Variants in ZNF804A observed in about 807,000 individuals in gnomAD.
ZNF804A encodes the protein zinc finger protein 804A.
ZNF804A carries 2 observed loss-of-function variants against 16.5 expected under a neutral mutation model. The observed-to-expected ratio is 0.12, with a 90% CI of 0.05 to 0.38. The LOEUF is 0.38. Ranked by LOEUF, ZNF804A falls within the 10% of genes least tolerant of loss-of-function variation. ZNF804A has a pLI of 0.99. For synonymous variants in ZNF804A, 534 were observed against 489.6 expected (o/e 1.09, Z -1.20); for missense variants, 1,473 against 1,390.7 (o/e 1.06, Z -0.94).
chr2:184,785,637 A>G, intron 1 of ZNF804A, among the ~76,000 whole-genome samples: 1 of 152,082 alleles, frequency 6.6e-6, no homozygotes, highest in Non-Finnish European at 1.5e-5. Flanking sequence ...AAGATTAGTA[A>G]GAACAAGAAG....
At chr2:184,836,943 A>G (rs1316446177) in intron 1 of ZNF804A, among the ~76,000 whole-genome samples, 1 of 151,382 alleles carries the variant, frequency 6.6e-6, no homozygotes, top group Non-Finnish European at 1.5e-5. Flanking sequence ...CCCTGACTGC[A>G]TCAAGTTTTT....
At position 184,936,814 on chromosome 2, in the gene ZNF804A, T is replaced by C; in HGVS notation, c.1418T>C (p.Leu473Pro). The change falls in exon 4 of 4, where the codon CTA (leucine) becomes CCA (proline). Residue 473 changes from leucine (L) to proline (P), a missense_variant. Coordinates refer to ENST00000302277, the MANE Select transcript of ZNF804A (RefSeq NM_194250.2). ...DFKSTKVNNN[L>P]DKNKPDLKDL... ...AAGTCTACTAAAGTAAATAATAATCTAGATAAAAATAAGCCAGACTTAAAA... is the reference window on the plus strand; with the variant it reads ...AAGTCTACTAAAGTAAATAATAATCCAGATAAAAATAAGCCAGACTTAAAA... 1 of 1,613,020 alleles carries C rather than the reference T, an allele frequency of 6.2e-7. No individual in the cohort carries two copies. The highest frequency in any genetic ancestry group is 8.5e-7 in the Non-Finnish European group (1 of 1,179,616).
rs1177727163 is a variant in ZNF804A, at chr2:184,938,516, C to T, written c.3120C>T (p.Asn1040=). 10 of 1,613,928 alleles carry T rather than the reference C, an allele frequency of 6.2e-6. No homozygotes were observed. Among genetic ancestry groups the T allele is most frequent in the Non-Finnish European group, 8.5e-6 (10 of 1,180,016 alleles). The part of the protein sequence containing the change: ...PEQALLIPLE[N]HDKFKNVPCE... The stretch of plus-strand genomic sequence containing the variant: ...AAGCATTATTGATCCCACTAGAAAA[C>T]CATGACAAATTCAAAAATGTACCAT... The change falls in exon 4 of 4, where the codon AAC becomes AAT. Residue 1040 remains asparagine (N), a synonymous_variant. Coordinates refer to ENST00000302277, the MANE Select transcript of ZNF804A (RefSeq NM_194250.2).
At chr2:184,933,561 G>A (rs1685738728) in intron 2 of ZNF804A, 42 bp from the exon 3 acceptor site, 3 of 1,552,316 alleles carry the variant, frequency 1.9e-6, no homozygotes, top group African/African-American at 1.4e-5. Context: ...AACTACTATA[G>A]ACCAAAATAC....
At chr2:184,834,957 G>A (rs1695320548) in intron 1 of ZNF804A, among the ~76,000 whole-genome samples, 1 of 152,116 alleles carries the variant, frequency 6.6e-6, no homozygotes, top group Non-Finnish European at 1.5e-5. Context: ...TAAGTCATAT[G>A]TAAGTCATGT....
At chr2:184,887,849 T>A (rs1162147141) in intron 2 of ZNF804A, among the ~76,000 whole-genome samples, 2 of 152,126 alleles carry the variant, frequency 1.3e-5, no homozygotes, top group East Asian at 3.9e-4. Context: ...CAGGCCACTA[T>A]CTTAAGTGAG....
chr2:184,835,484 G>A (rs1695328211), intron 1 of ZNF804A, among the ~76,000 whole-genome samples: 1 of 152,058 alleles, frequency 6.6e-6, no homozygotes, highest in South Asian at 2.1e-4. Context: ...CAGGGCACTG[G>A]TGGGCATGTC....
At chr2:184,718,278 C>A (rs1377070190) in intron 1 of ZNF804A, among the ~76,000 whole-genome samples, 2 of 152,100 alleles carry the variant, frequency 1.3e-5, no homozygotes, top group Non-Finnish European at 2.9e-5. Context: ...TCACCTCCTA[C>A]TGAGTCCCTC....
intron 1 of ZNF804A, among the ~76,000 whole-genome samples, chr2:184,855,885 T>G (rs932290075): frequency 6.6e-6 from 1 of 152,048 alleles, no homozygotes; most frequent in Non-Finnish European, 1.5e-5. Context: ...AATAAAATAA[T>G]GTATGACTTC....
chr2:184,626,854 G>A (rs964790186), intron 1 of ZNF804A, among the ~76,000 whole-genome samples: 34 of 152,242 alleles, frequency 2.2e-4, no homozygotes, highest in African/African-American at 7.9e-4. Context: ...TATAACAATT[G>A]GGATGGGTAT....
intron 1 of ZNF804A, among the ~76,000 whole-genome samples, chr2:184,777,872 G>C (rs1034167921): frequency 1.3e-5 from 2 of 151,584 alleles, no homozygotes; most frequent in South Asian, 4.1e-4. Flanking sequence ...CAACACTATA[G>C]GAGTGATTTT....
chr2:184,800,658 A>G (rs1242106420), intron 1 of ZNF804A, among the ~76,000 whole-genome samples: 1 of 151,340 alleles, frequency 6.6e-6, no homozygotes, highest in Admixed American at 6.6e-5. Context: ...TATTTTTTAG[A>G]GTTCGTAATC....
At chr2:184,810,747 C>T (rs34943323) in intron 1 of ZNF804A, among the ~76,000 whole-genome samples, 2,387 of 152,212 alleles carry the variant, frequency 0.016, 31 homozygotes, top group Non-Finnish European at 0.023. Context: ...ACCTCGGCCT[C>T]CCAAAGTGCT....
At chr2:184,888,845 A>G (rs895527776) in intron 2 of ZNF804A, among the ~76,000 whole-genome samples, 12 of 152,124 alleles carry the variant, frequency 7.9e-5, no homozygotes, top group Admixed American at 2.6e-4. Flanking sequence ...AATTGCTGTT[A>G]TACACTGATT....
intron 1 of ZNF804A, among the ~76,000 whole-genome samples, chr2:184,635,616 C>A (rs1691682937): frequency 6.6e-6 from 1 of 152,008 alleles, no homozygotes; most frequent in South Asian, 2.1e-4. Context: ...CTTAATGATT[C>A]AGTATCATAT....
intron 1 of ZNF804A, among the ~76,000 whole-genome samples, chr2:184,765,142 G>A (rs1485835040): frequency 1.3e-5 from 2 of 152,084 alleles, no homozygotes; most frequent in African/African-American, 2.4e-5. Flanking sequence ...AGTTTTGCTG[G>A]TGACATTGTT....
chr2:184,937,335 G>C lies in ZNF804A; in HGVS notation c.1939G>C (p.Glu647Gln), dbSNP rs1389412692. 1.2e-6 allele frequency: 2 copies of C among 1,613,736 alleles called. No individual in the cohort carries two copies. Among genetic ancestry groups the C allele is most frequent in the African/African-American group, 2.7e-5 (2 of 74,920 alleles). Residue 647 changes from glutamate to glutamine, a missense_variant, in exon 4 of 4, where the codon GAG becomes CAG. By Grantham distance (29) the Glu-to-Gln change is conservative (BLOSUM62 2). Transcript: ENST00000302277. ...TTCAGAAAAGCAGTATTTAGCTGCA[G>C]AGCAATTATTAGACTCACATCAGTT... ...PISEKQYLAAEQLLDSHQLLD... is the reference protein window; with the variant it reads ...PISEKQYLAAQQLLDSHQLLD...
chr2:184,860,013 C>T (rs1263952248), intron 1 of ZNF804A, among the ~76,000 whole-genome samples: 4 of 152,206 alleles, frequency 2.6e-5, no homozygotes, highest in Non-Finnish European at 5.9e-5. Context: ...CTTAACTCCA[C>T]AGGAATAGGT....
At chr2:184,622,313 A>C (rs904864729) in intron 1 of ZNF804A, among the ~76,000 whole-genome samples, 1 of 151,756 alleles carries the variant, frequency 6.6e-6, no homozygotes, top group Non-Finnish European at 1.5e-5. Flanking sequence ...ACCTTTCTCC[A>C]CAGTGTGAAT....
Sources: gnomAD v4.1 joint callset for allele counts (sites outside exome capture counted in the v4.1 genomes callset) on GRCh38, gnomAD v4.1.1 for gene constraint, MANE v1.5 for transcripts, NCBI Gene and HGNC (gene_info 2026-07-23, HGNC 2026-07-21) for gene names.